The following PCSK5 variants were observed in gnomAD, a reference collection of about 807,000 sequenced individuals.
The protein encoded by PCSK5 is proprotein convertase subtilisin/kexin type 5.
Under a neutral mutation model 233.2 loss-of-function variants are expected in PCSK5, and 129 were observed. The observed-to-expected ratio is 0.55, with a 90% CI of 0.48 to 0.64. The LOEUF (loss-of-function observed/expected upper bound fraction) is 0.64. Ranked by LOEUF, PCSK5 falls within the 30% of genes least tolerant of loss-of-function variation. PCSK5 has a pLI of 0.00. For synonymous variants in PCSK5, 825 were observed against 879.2 expected (o/e 0.94, Z 1.09); for missense variants, 2,076 against 2,430.1 (o/e 0.85, Z 3.06).
chr9:75,916,653 G>C (rs1242660204), intron 1 of PCSK5, among the ~76,000 whole-genome samples: 1 of 152,142 alleles, frequency 6.6e-6, no homozygotes, highest in Non-Finnish European at 1.5e-5. Flanking sequence ...AGGGTTCTGA[G>C]GCTGGAAGGA....
chr9:76,032,969 A>G (rs1828710299), intron 5 of PCSK5, among the ~76,000 whole-genome samples: 1 of 152,202 alleles, frequency 6.6e-6, no homozygotes, highest in Admixed American at 6.5e-5. Flanking sequence ...CTTGTTTTCT[A>G]AAAGGAATAG....
At chr9:76,244,050 C>G (rs905826679) in intron 24 of PCSK5, among the ~76,000 whole-genome samples, 5 of 152,092 alleles carry the variant, frequency 3.3e-5, no homozygotes, top group African/African-American at 9.7e-5. Context: ...ATGGTGAAAC[C>G]CTGTCTCTAC....
chr9:76,169,220 A>T (rs78622084), intron 12 of PCSK5, among the ~76,000 whole-genome samples: 1,543 of 152,284 alleles, frequency 0.01, 24 homozygotes, highest in African/African-American at 0.035. Context: ...ATTCATATGA[A>T]GTTTTTCGTG....
At chr9:76,303,295 T>C (rs1828675578) in intron 28 of PCSK5, among the ~76,000 whole-genome samples, 1 of 152,186 alleles carries the variant, frequency 6.6e-6, no homozygotes, top group Non-Finnish European at 1.5e-5. Context: ...CACCTTGGCC[T>C]CCCAGATTGC....
At chr9:76,235,379 C>G (rs1207914696) in intron 22 of PCSK5, among the ~76,000 whole-genome samples, 2 of 152,154 alleles carry the variant, frequency 1.3e-5, no homozygotes, top group Non-Finnish European at 2.9e-5. Context: ...ATATATAGCA[C>G]AAAATTAGAA....
At chr9:76,169,661 G>C in intron 12 of PCSK5, 43 bp from the exon 13 acceptor site, 1 of 1,598,946 alleles carries the variant, frequency 6.3e-7, no homozygotes, top group Non-Finnish European at 8.6e-7. Flanking sequence ...GACCCTCATT[G>C]GATTTGAAAT....
chr9:75,941,320 T>G (rs1824292977), intron 2 of PCSK5, among the ~76,000 whole-genome samples: 1 of 152,172 alleles, frequency 6.6e-6, no homozygotes, highest in African/African-American at 2.4e-5. Context: ...TCTGTGGCTT[T>G]GGCCTTGTGT....
At chr9:76,243,875 A>G (rs538242674) in intron 24 of PCSK5, among the ~76,000 whole-genome samples, 1 of 152,354 alleles carries the variant, frequency 6.6e-6, no homozygotes, top group African/African-American at 2.4e-5. Context: ...GTTTTCTCTA[A>G]TCAAACTTTG....
At chr9:76,129,390 A>G (rs1396504607) in intron 9 of PCSK5, among the ~76,000 whole-genome samples, 1 of 152,180 alleles carries the variant, frequency 6.6e-6, no homozygotes, top group Non-Finnish European at 1.5e-5. Flanking sequence ...TCATCATTTC[A>G]TTAGACAGAA....
intron 2 of PCSK5, among the ~76,000 whole-genome samples, chr9:75,981,911 T>C (rs1826292462): frequency 6.6e-6 from 1 of 152,124 alleles, no homozygotes; most frequent in Admixed American, 6.5e-5. Flanking sequence ...TGTGTATAGG[T>C]AACATATTCC....
At chr9:76,190,891 A>AC (rs1824343513) in intron 20 of PCSK5, among the ~76,000 whole-genome samples, 1 of 152,152 alleles carries the variant, frequency 6.6e-6, no homozygotes, top group African/African-American at 2.4e-5. Context: ...TCATAGGTTT[A>AC]ACTTCCCAAG....
At chr9:76,209,692 A>C (rs1271140055) in intron 20 of PCSK5, among the ~76,000 whole-genome samples, 3 of 152,116 alleles carry the variant, frequency 2.0e-5, no homozygotes, top group Admixed American at 2.0e-4. Context: ...ATTACTCTTG[A>C]CCTTAAAGAG....
chr9:76,017,222 A>G (rs1050585396), intron 3 of PCSK5, among the ~76,000 whole-genome samples: 1 of 152,166 alleles, frequency 6.6e-6, no homozygotes, highest in African/African-American at 2.4e-5. Flanking sequence ...ACGACCTCAA[A>G]TGTAAAAAAT....
chr9:76,252,356 A>G (rs1481800631), intron 24 of PCSK5, among the ~76,000 whole-genome samples: 1 of 152,208 alleles, frequency 6.6e-6, no homozygotes, highest in East Asian at 1.9e-4. Context: ...TACTAAAGCC[A>G]TCATATTTAG....
rs530654545 is a variant in PCSK5 at position 76,299,531 on chromosome 9, G to A, written c.3524-2606G>A. 1.1e-3 allele frequency among the ~76,000 whole-genome samples: 162 copies of A among 152,136 alleles called. 1 individual carries two copies. Among genetic ancestry groups the A allele is most frequent in the African/African-American group, 3.8e-3 (158 of 41,500 alleles). On this transcript the variant is annotated intron_variant, in intron 27 of 37. Coordinates refer to ENST00000674117, the MANE Select transcript of PCSK5 (RefSeq NM_001372043.1). ...TAAAAATACAAAAAAAATTAGCCGG[G>A]CGTGGTGGTCAGTACCTGTAATCCC... is the stretch of plus-strand genomic sequence containing the variant.
intron 2 of PCSK5, among the ~76,000 whole-genome samples, chr9:75,969,598 G>A (rs894610441): frequency 4.6e-5 from 7 of 152,078 alleles, no homozygotes; most frequent in Non-Finnish European, 7.4e-5. Context: ...CTGGTCAGTC[G>A]GGTCTAAACT....
rs561258252 is a variant in PCSK5 at position 75,949,602 on chromosome 9, A to C, written c.297+17119A>C. Among the ~76,000 whole-genome samples the C allele has an allele frequency of 1.6e-3, 236 of 152,060 alleles. 1 individual carries two copies. The highest frequency in any genetic ancestry group is 2.6e-3 in the Non-Finnish European group (179 of 67,996). On this transcript the variant is annotated intron_variant, in intron 2 of 37. Coordinates refer to ENST00000674117, the MANE Select transcript of PCSK5 (RefSeq NM_001372043.1). ...GAGTGCAGTGGCACAATCTCAGCTC[A>C]CTGCAACCTCTGCCTCCTGGGTTCA...
intron 9 of PCSK5, among the ~76,000 whole-genome samples, chr9:76,124,601 C>T (rs975864586): frequency 7.3e-5 from 11 of 151,630 alleles, no homozygotes; most frequent in African/African-American, 2.4e-4. Flanking sequence ...AAAAATTATC[C>T]GGGCATGGTG....
chr9:76,089,705 T>C (rs548728154), intron 7 of PCSK5, among the ~76,000 whole-genome samples: 1 of 152,272 alleles, frequency 6.6e-6, no homozygotes, highest in Non-Finnish European at 1.5e-5. Context: ...AATACTAAAA[T>C]ATCAAATAAA....
Sources: gnomAD v4.1 joint callset for allele counts (sites outside exome capture counted in the v4.1 genomes callset) on GRCh38, gnomAD v4.1.1 for gene constraint, MANE v1.5 for transcripts, NCBI Gene and HGNC (gene_info 2026-07-23, HGNC 2026-07-21) for gene names.